ELMO1: variants seen among roughly 807,000 people sequenced by gnomAD.
ELMO1 encodes engulfment and cell motility 1.
Under a neutral mutation model 98.9 loss-of-function variants are expected in ELMO1, and 26 were observed. The ratio of observed to expected loss-of-function variants is 0.26; its 90% CI spans 0.19 to 0.36. The LOEUF is 0.36. Among genes scored for constraint, ELMO1 ranks in the 10% least tolerant of loss-of-function variants. ELMO1 has a pLI of 1.00. For synonymous variants in ELMO1, 346 were observed against 346.0 expected (o/e 1.00, Z 0.00); for missense variants, 627 against 935.2 (o/e 0.67, Z 4.30).
At chr7:37,055,774 T>A (rs1253743412) in intron 15 of ELMO1, among the ~76,000 whole-genome samples, 1 of 152,088 alleles carries the variant, frequency 6.6e-6, no homozygotes, top group Non-Finnish European at 1.5e-5. Flanking sequence ...TGGTGCCAAT[T>A]CTAGTGGGCA....
intron 15 of ELMO1, among the ~76,000 whole-genome samples, chr7:37,042,013 G>A (rs1795538576): frequency 6.6e-6 from 1 of 151,916 alleles, no homozygotes; most frequent in African/African-American, 2.4e-5. Context: ...GGCCGGGCAT[G>A]GTGGCTCACA....
chr7:36,938,746 G>A (rs1436453594), intron 16 of ELMO1, among the ~76,000 whole-genome samples: 1 of 152,152 alleles, frequency 6.6e-6, no homozygotes, highest in Admixed American at 6.5e-5. Flanking sequence ...TCTTGGATGG[G>A]AAAATCCTAT....
chr7:37,413,907 G>A (rs1023242969), intron 1 of ELMO1, among the ~76,000 whole-genome samples: 2 of 152,130 alleles, frequency 1.3e-5, no homozygotes, highest in African/African-American at 2.4e-5. Flanking sequence ...GGAACTCCTG[G>A]TCTCAAGTGA....
chr7:37,288,789 C>A (rs1797530661), intron 4 of ELMO1, among the ~76,000 whole-genome samples: 1 of 152,220 alleles, frequency 6.6e-6, no homozygotes, highest in Non-Finnish European at 1.5e-5. Context: ...ACCATGTACA[C>A]CCACATGTAG....
chr7:37,389,739 A>G (rs1437513780), intron 1 of ELMO1, among the ~76,000 whole-genome samples: 1 of 152,160 alleles, frequency 6.6e-6, no homozygotes, highest in Non-Finnish European at 1.5e-5. Context: ...ACCATAGGAA[A>G]TAGGCTGTCA....
At chr7:36,911,830 A>C (rs1784364715) in intron 16 of ELMO1, among the ~76,000 whole-genome samples, 1 of 152,164 alleles carries the variant, frequency 6.6e-6, no homozygotes. Flanking sequence ...TCTTTAGCTA[A>C]CTGGGTTTCT....
At chr7:37,210,544 T>C (rs1418177711) in intron 13 of ELMO1, among the ~76,000 whole-genome samples, 1 of 151,090 alleles carries the variant, frequency 6.6e-6, no homozygotes. Context: ...TATATGTATA[T>C]GCATGAATAT....
chr7:37,438,733 C>T (rs1380599093), intron 1 of ELMO1, among the ~76,000 whole-genome samples: 1 of 152,152 alleles, frequency 6.6e-6, no homozygotes, highest in Admixed American at 6.5e-5. Context: ...GAGGTGGGGA[C>T]TTATATTACC....
At chr7:37,055,282 A>C (rs1334275557) in intron 15 of ELMO1, among the ~76,000 whole-genome samples, 1 of 152,222 alleles carries the variant, frequency 6.6e-6, no homozygotes, top group Non-Finnish European at 1.5e-5. Flanking sequence ...TACGCTTTAA[A>C]GATTTGGGTG....
At chr7:36,869,981 T>C (rs937129022) in intron 20 of ELMO1, among the ~76,000 whole-genome samples, 3 of 152,172 alleles carry the variant, frequency 2.0e-5, no homozygotes, top group Admixed American at 6.5e-5. Context: ...GGGAGGATAT[T>C]AAGAGCATGA....
intron 18 of ELMO1, among the ~76,000 whole-genome samples, chr7:36,881,603 T>C (rs1421318827): frequency 6.6e-6 from 1 of 152,180 alleles, no homozygotes; most frequent in African/African-American, 2.4e-5. Flanking sequence ...CCAGGCTTCA[T>C]CTCCAAACCC....
At chr7:36,913,591 G>A (rs4723598) in intron 16 of ELMO1, among the ~76,000 whole-genome samples, 19,770 of 152,174 alleles carry the variant, frequency 0.13, 1,551 homozygotes, top group South Asian at 0.22. Flanking sequence ...GACAAGAAAC[G>A]CCACATACGA....
chr7:37,327,736 G>T (rs1799891715), intron 2 of ELMO1, among the ~76,000 whole-genome samples: 3 of 152,296 alleles, frequency 2.0e-5, no homozygotes, highest in South Asian at 4.1e-4. Flanking sequence ...ACATCTGCCA[G>T]CAGGTAGTGG....
chr7:37,194,102 C>T (rs1417765695), intron 13 of ELMO1, among the ~76,000 whole-genome samples: 2 of 152,170 alleles, frequency 1.3e-5, no homozygotes, highest in Non-Finnish European at 2.9e-5. Flanking sequence ...ATGTCCTGGC[C>T]AGTTTATTCT....
chr7:37,196,280 C>T (rs1202812462), intron 13 of ELMO1, among the ~76,000 whole-genome samples: 2 of 152,134 alleles, frequency 1.3e-5, no homozygotes, highest in Admixed American at 6.5e-5. Context: ...GGAGGACTGG[C>T]GTCAGGGTGA....
At chr7:37,122,614 C>T (rs144081587) in intron 14 of ELMO1, among the ~76,000 whole-genome samples, 1,951 of 152,302 alleles carry the variant, frequency 0.013, 47 homozygotes, top group African/African-American at 0.045. Context: ...GCACCCAATA[C>T]AGGAGCACCA....
chr7:37,263,929 T>C (rs1305324908), intron 5 of ELMO1, among the ~76,000 whole-genome samples: 1 of 152,152 alleles, frequency 6.6e-6, no homozygotes. Context: ...GGATGTGTGG[T>C]ACATTTGGAG....
At chr7:37,366,435 T>C (rs1276259635) in intron 1 of ELMO1, among the ~76,000 whole-genome samples, 2 of 152,202 alleles carry the variant, frequency 1.3e-5, no homozygotes, top group African/African-American at 2.4e-5. Flanking sequence ...TGCTGTATAA[T>C]CTCATTTTAT....
chr7:37,108,039 T>C (rs1785038627), intron 14 of ELMO1, among the ~76,000 whole-genome samples: 2 of 152,246 alleles, frequency 1.3e-5, no homozygotes, highest in Non-Finnish European at 2.9e-5. Flanking sequence ...TTTCTGATTA[T>C]GCACATGACA....
Sources: allele counts gnomAD v4.1 joint callset (sites outside exome capture counted in the v4.1 genomes callset), GRCh38; gene constraint gnomAD v4.1.1; transcripts MANE v1.5; gene names NCBI Gene and HGNC (gene_info 2026-07-23, HGNC 2026-07-21).